The following OR51B5 variants were observed in gnomAD, a reference collection of about 807,000 sequenced individuals.
OR51B5 encodes olfactory receptor 51B5.
For synonymous variants in OR51B5, 186 were observed against 144.8 expected (o/e 1.28, Z -2.04); for missense variants, 456 against 374.6 (o/e 1.22, Z -1.79).
chr11:5,340,805 T>C (rs1176789421), downstream of OR51B5: 1 of 152,190 alleles, frequency 6.6e-6, no homozygotes, highest in Non-Finnish European at 1.5e-5. Flanking sequence ...TTATATTAAA[T>C]TTCCCCATCA....
chr11:5,415,471 A>C (rs1850227213), intron 1 of OR51B5, among the ~76,000 whole-genome samples: 1 of 151,868 alleles, frequency 6.6e-6, no homozygotes, highest in Admixed American at 6.6e-5. Flanking sequence ...CCTTCAAAAA[A>C]TTAATGAATC....
intron 1 of OR51B5, among the ~76,000 whole-genome samples, chr11:5,401,657 C>T (rs982192961): frequency 2.0e-5 from 3 of 152,194 alleles, no homozygotes; most frequent in African/African-American, 7.2e-5. Context: ...TTCACCTATT[C>T]CTGATATTAT....
At chr11:5,449,563 T>G (rs1255345824) in intron 1 of OR51B5, among the ~76,000 whole-genome samples, 1 of 152,222 alleles carries the variant, frequency 6.6e-6, no homozygotes, top group Non-Finnish European at 1.5e-5. Flanking sequence ...GGCACTGCCA[T>G]GTACTGATTG....
chr11:5,453,678 T>G, intron 1 of OR51B5: 2 of 1,613,558 alleles, frequency 1.2e-6, no homozygotes, highest in Non-Finnish European at 1.7e-6. Flanking sequence ...CTACTTCCTG[T>G]CCATGTTGTC....
rs570572762 is a variant in OR51B5, at chr11:5,357,868, G to A, written n.85-10958C>T. On this transcript the variant is annotated intron_variant and non_coding_transcript_variant, in intron 1 of 4. Transcript: ENST00000415970. The stretch of plus-strand genomic sequence containing the variant: ...AAAACCGCTCAACTACATGGAAACC[G>A]AACAAATTGCTCCTGAATGACTACT... Among the ~76,000 whole-genome samples the A allele has an allele frequency of 4.6e-5, 7 of 151,872 alleles. No homozygotes were observed. The East Asian group carries it at 7.7e-4, about 17-fold the overall frequency.
intron 1 of OR51B5, among the ~76,000 whole-genome samples, chr11:5,414,892 C>A (rs1204678882): frequency 1.3e-5 from 2 of 152,194 alleles, no homozygotes; most frequent in African/African-American, 2.4e-5. Flanking sequence ...CAAGGATACA[C>A]AGGAACTGAA....
At chr11:5,346,614 C>T (rs1348981731), upstream of OR51B5, among the ~76,000 whole-genome samples, 5 of 148,052 alleles carry the variant, frequency 3.4e-5, no homozygotes, top group Non-Finnish European at 7.4e-5. Context: ...ATATTCACAT[C>T]ACTGAGTACA....
intron 1 of OR51B5, chr11:5,352,125 G>T (rs754956459): frequency 5.6e-6 from 9 of 1,614,000 alleles, no homozygotes; most frequent in South Asian, 1.1e-5. Flanking sequence ...CAATGGTCTT[G>T]TTGGACTTTC....
At chr11:5,395,671 C>A (rs1473703200) in intron 1 of OR51B5, among the ~76,000 whole-genome samples, 2 of 152,262 alleles carry the variant, frequency 1.3e-5, no homozygotes, top group East Asian at 1.9e-4. Context: ...TAAACCTAAT[C>A]ATTTCTCTCG....
chr11:5,403,482 A>T (rs1261364907), intron 1 of OR51B5: 2 of 471,640 alleles, frequency 4.2e-6, no homozygotes, highest in Admixed American at 2.3e-5. Context: ...TGTCTACAGC[A>T]TTAAGACCAA....
At chr11:5,396,223 A>C (rs1226487924) in intron 1 of OR51B5, among the ~76,000 whole-genome samples, 1 of 152,190 alleles carries the variant, frequency 6.6e-6, no homozygotes, top group Non-Finnish European at 1.5e-5. Context: ...TGGCCCGGGC[A>C]ATCGGGCAGG....
intron 1 of OR51B5, among the ~76,000 whole-genome samples, chr11:5,397,096 A>G (rs1330818692): frequency 1.3e-5 from 2 of 152,376 alleles, no homozygotes; most frequent in Non-Finnish European, 2.9e-5. Context: ...AAAACCATAA[A>G]AACTCTAGAA....
chr11:5,387,068 A>G (rs944668334), intron 1 of OR51B5, among the ~76,000 whole-genome samples: 2 of 152,196 alleles, frequency 1.3e-5, no homozygotes, highest in African/African-American at 4.8e-5. Context: ...CCACCACTGT[A>G]TAAGTAATAA....
intron 1 of OR51B5, chr11:5,454,522 G>T (rs1272491597): frequency 5.4e-6 from 6 of 1,101,004 alleles, no homozygotes; most frequent in Non-Finnish European, 7.8e-6. Context: ...TAGATTGTGT[G>T]CTGCGGGAAA....
chr11:5,422,348 G>A (rs772500992), intron 1 of OR51B5: 7 of 1,614,106 alleles, frequency 4.3e-6, no homozygotes, highest in East Asian at 2.2e-5. Flanking sequence ...CATCCTCACT[G>A]TCATTCGCAC....
chr11:5,478,548 C>T (rs11037678), intron 1 of OR51B5, among the ~76,000 whole-genome samples: 85,390 of 147,204 alleles, frequency 0.58, 24,950 homozygotes, highest in South Asian at 0.65. Flanking sequence ...AGGCTTCAGA[C>T]GATCAAATTA....
chr11:5,472,769 C>A (rs1434003894), intron 1 of OR51B5, among the ~76,000 whole-genome samples: 1 of 152,182 alleles, frequency 6.6e-6, no homozygotes, highest in Non-Finnish European at 1.5e-5. Flanking sequence ...CAGAGCTGAA[C>A]TGAATCCTAG....
intron 1 of OR51B5, chr11:5,431,647 AC>A (rs1446984920): frequency 6.5e-6 from 1 of 152,966 alleles, no homozygotes; most frequent in Non-Finnish European, 1.5e-5. Context: ...TTTGAAAAAA[AC>A]TGAAGTTAGT....
chr11:5,342,814 A>T (rs777871845), exon 1 of OR51B5: 2 of 1,613,536 alleles, frequency 1.2e-6, no homozygotes, highest in Non-Finnish European at 1.7e-6. Context: ...AGACACAGGT[A>T]ATGAGAGCCT....
Sources: gnomAD v4.1 joint callset for allele counts (sites outside exome capture counted in the v4.1 genomes callset) on GRCh38, gnomAD v4.1.1 for gene constraint, MANE v1.5 for transcripts, NCBI Gene and HGNC (gene_info 2026-07-23, HGNC 2026-07-21) for gene names.